The following SGCD variants were observed in gnomAD, a reference collection of about 807,000 sequenced individuals.
The protein encoded by SGCD is sarcoglycan delta, also known as delta-sarcoglycan.
SGCD carries 18 observed loss-of-function variants against 36.6 expected under a neutral mutation model. The ratio of observed to expected loss-of-function variants is 0.49; its 90% CI spans 0.34 to 0.73. The LOEUF (loss-of-function observed/expected upper bound fraction) is 0.73, where lower values mean the gene tolerates loss of function less well. Ranked by LOEUF, SGCD falls within the 30% of genes least tolerant of loss-of-function variation. SGCD has a pLI of 0.01. For missense variants in SGCD, 387 were observed against 346.7 expected (o/e 1.12, Z -0.92); for synonymous variants, 133 against 130.6 (o/e 1.02, Z -0.12).
At chr5:156,284,728 C>A (rs1217274235) in intron 3 of SGCD, among the ~76,000 whole-genome samples, 3 of 152,126 alleles carry the variant, frequency 2.0e-5, no homozygotes, top group African/African-American at 7.2e-5. Context: ...ACTGAATGGG[C>A]AAAAACTGGA....
In SGCD at chr5:156,229,297, T is replaced by TATATATATATATAA. The variant is rs1554085621; in HGVS notation, c.-43-100234_-43-100233insTATATATATAAATA. 1.8e-3 allele frequency among the ~76,000 whole-genome samples: 214 copies of TATATATATATATAA among 119,864 alleles called. 8 individuals carry two copies. The highest frequency in any genetic ancestry group is 6.5e-3 in the African/African-American group (204 of 31,262). 78.6% of individuals were successfully genotyped at this position (119,864 alleles called of 152,430 possible). Reference sequence around the variant, plus strand: ...ACATACATATATATATATATATATATATAAAATTAGTTCTTCCATTGGTTC... The same window carrying TATATATATATATAA: ...ACATACATATATATATATATATATATATATATATATATAAATAAAATTAGTTCTTCCATTGGTTC... On this transcript the variant is annotated intron_variant, in intron 3 of 9. Coordinates refer to the SGCD transcript ENST00000517913.
chr5:156,683,892 G>C (rs1291269946), intron 7 of SGCD, among the ~76,000 whole-genome samples: 1 of 152,142 alleles, frequency 6.6e-6, no homozygotes, highest in Non-Finnish European at 1.5e-5. Context: ...TCTAATTCAA[G>C]GGAAACTTTC....
intron 1 of SGCD, among the ~76,000 whole-genome samples, chr5:155,932,765 C>A (rs1261588321): frequency 6.6e-6 from 1 of 152,056 alleles, no homozygotes; most frequent in African/African-American, 2.4e-5. Flanking sequence ...AATCATGAAC[C>A]AAACATAGTT....
intron 5 of SGCD, among the ~76,000 whole-genome samples, chr5:156,592,571 C>T (rs1033603895): frequency 6.6e-6 from 1 of 152,070 alleles, no homozygotes; most frequent in Non-Finnish European, 1.5e-5. Flanking sequence ...GATGTGCTGG[C>T]CCCAGCTCCC....
At chr5:156,298,797 G>A (rs1766971726) in intron 3 of SGCD, among the ~76,000 whole-genome samples, 2 of 151,782 alleles carry the variant, frequency 1.3e-5, no homozygotes, top group Non-Finnish European at 2.9e-5. Context: ...TAGATTATTA[G>A]ATATTTTCCT....
intron 1 of SGCD, among the ~76,000 whole-genome samples, chr5:156,019,045 A>T (rs548384770): frequency 5.3e-4 from 80 of 152,238 alleles, no homozygotes; most frequent in Admixed American, 3.7e-3. Context: ...TGTAAAGACA[A>T]AATTAACTAT....
intron 3 of SGCD, among the ~76,000 whole-genome samples, chr5:156,179,077 G>A (rs1056888747): frequency 6.6e-5 from 10 of 152,096 alleles, no homozygotes; most frequent in Middle Eastern, 3.2e-3. Context: ...TGACAATATT[G>A]TTTTCTGCTT....
chr5:155,974,085 A>G (rs893542610), intron 1 of SGCD, among the ~76,000 whole-genome samples: 1 of 152,114 alleles, frequency 6.6e-6, no homozygotes, highest in African/African-American at 2.4e-5. Flanking sequence ...TTTTTATTTT[A>G]TCTTCTACAT....
At chr5:156,753,630 C>A (rs774273050) in intron 7 of SGCD, among the ~76,000 whole-genome samples, 1 of 152,146 alleles carries the variant, frequency 6.6e-6, no homozygotes. Flanking sequence ...GGGGAGGCCT[C>A]AGGAAACTTA....
At chr5:155,813,972 G>A in the SGCD span, among the ~76,000 whole-genome samples, 278 of 152,250 alleles carry the variant, frequency 1.8e-3, no homozygotes, top group African/African-American at 6.3e-3. Context: ...TGCCCTCTAT[G>A]TGTCAGGTAC....
chr5:156,440,381 G>A (rs1376935164), intron 3 of SGCD, among the ~76,000 whole-genome samples: 1 of 152,008 alleles, frequency 6.6e-6, no homozygotes, highest in African/African-American at 2.4e-5. Context: ...TGGGCATTTG[G>A]GTTGTTTCTG....
intron 3 of SGCD, among the ~76,000 whole-genome samples, chr5:156,138,414 ACAAAACAACC>A (rs1762506844): frequency 6.6e-6 from 1 of 152,094 alleles, no homozygotes; most frequent in South Asian, 2.1e-4. Context: ...ACAAAACAAA[ACAAAACAACC>A]CAAAACTTCA....
At chr5:156,231,065 T>C (rs1157408921) in intron 3 of SGCD, among the ~76,000 whole-genome samples, 1 of 152,088 alleles carries the variant, frequency 6.6e-6, no homozygotes, top group Non-Finnish European at 1.5e-5. Flanking sequence ...AAGTGAAAGG[T>C]AATGAGTTTG....
chr5:156,176,165 G>T (rs574961417), intron 3 of SGCD, among the ~76,000 whole-genome samples: 1 of 151,976 alleles, frequency 6.6e-6, no homozygotes, highest in African/African-American at 2.4e-5. Context: ...GTGTGCGTGT[G>T]GTGATCATGG....
intron 3 of SGCD, among the ~76,000 whole-genome samples, chr5:156,236,733 C>T (rs1364516186): frequency 6.6e-6 from 1 of 151,934 alleles, no homozygotes; most frequent in African/African-American, 2.4e-5. Flanking sequence ...CAGGTGTGAG[C>T]CACTGTGCCT....
intron 6 of SGCD, among the ~76,000 whole-genome samples, chr5:156,621,534 C>T (rs142389008): frequency 7.2e-4 from 110 of 151,912 alleles, no homozygotes; most frequent in Middle Eastern, 6.8e-3. Flanking sequence ...AAAAAATGTG[C>T]GTTATGGGAG....
intron 2 of SGCD, among the ~76,000 whole-genome samples, chr5:156,342,696 C>G (rs191224016): frequency 9.5e-4 from 144 of 152,274 alleles, no homozygotes; most frequent in Non-Finnish European, 1.6e-3. Flanking sequence ...CCTCTTACAC[C>G]ACAAATCTCA....
chr5:156,222,306 C>T (rs1359592082), intron 3 of SGCD, among the ~76,000 whole-genome samples: 1 of 152,082 alleles, frequency 6.6e-6, no homozygotes, highest in Non-Finnish European at 1.5e-5. Flanking sequence ...TAACTATTTG[C>T]AAGTGTTGAT....
rs538217185 is a variant in SGCD at position 156,626,793 on chromosome 5, C to G, written c.503-20671C>G. Among the ~76,000 whole-genome samples the G allele has an allele frequency of 3.4e-4, 52 of 152,222 alleles. 1 individual carries two copies. Among genetic ancestry groups the G allele is most frequent in the Non-Finnish European group, 6.0e-4 (41 of 68,024 alleles). Reference sequence around the variant, plus strand: ...GCTTATATTTTATAATCCACTCCCCCCCACCCTGCTTTTCTATTGAGAACC... The same window carrying G: ...GCTTATATTTTATAATCCACTCCCCGCCACCCTGCTTTTCTATTGAGAACC... On this transcript the variant is annotated intron_variant, in intron 6 of 8. Transcript: ENST00000337851.
Sources: allele counts gnomAD v4.1 joint callset (sites outside exome capture counted in the v4.1 genomes callset), GRCh38; gene constraint gnomAD v4.1.1; transcripts MANE v1.5; gene names NCBI Gene and HGNC (gene_info 2026-07-23, HGNC 2026-07-21).